The following TENM4 variants were observed in gnomAD, a reference collection of about 807,000 sequenced individuals.
TENM4 encodes the protein teneurin-4.
Under a neutral mutation model 243.3 loss-of-function variants are expected in TENM4, and 82 were observed. The observed-to-expected ratio is 0.34, with a 90% CI of 0.28 to 0.40. The LOEUF (loss-of-function observed/expected upper bound fraction) is 0.40, where lower values mean the gene tolerates loss of function less well. Among genes scored for constraint, TENM4 ranks in the 10% least tolerant of loss-of-function variants. The pLI, the probability that TENM4 is intolerant of heterozygous loss-of-function variation, is 1.00. For missense variants in TENM4, 3,138 were observed against 3,673.3 expected (o/e 0.85, Z 3.77); for synonymous variants, 1,412 against 1,456.3 (o/e 0.97, Z 0.69).
chr11:79,034,061 C>T (rs1859313012), intron 6 of TENM4, among the ~76,000 whole-genome samples: 1 of 152,168 alleles, frequency 6.6e-6, no homozygotes. Flanking sequence ...GTTTCCTTAT[C>T]TGTAAAATGG....
At chr11:79,101,293 G>C (rs1424677667) in intron 4 of TENM4, among the ~76,000 whole-genome samples, 1 of 152,238 alleles carries the variant, frequency 6.6e-6, no homozygotes. Context: ...ATGCAGTAGA[G>C]GGCAGAGAGA....
At chr11:79,034,703 G>C (rs1283859986) in intron 6 of TENM4, among the ~76,000 whole-genome samples, 2 of 152,112 alleles carry the variant, frequency 1.3e-5, no homozygotes, top group Non-Finnish European at 2.9e-5. Context: ...TCTGTGGTCA[G>C]ACGGGCCTGG....
intron 6 of TENM4, among the ~76,000 whole-genome samples, chr11:78,944,198 T>C (rs2136466850): frequency 6.6e-6 from 1 of 152,246 alleles, no homozygotes; most frequent in East Asian, 1.9e-4. Context: ...AGCTGACATG[T>C]GGTGACTCCA....
chr11:79,083,123 A>G (rs1483574176), intron 4 of TENM4, among the ~76,000 whole-genome samples: 1 of 152,174 alleles, frequency 6.6e-6, no homozygotes, highest in Non-Finnish European at 1.5e-5. Flanking sequence ...AAGTCTTATA[A>G]GTGCCGTAAA....
chr11:78,696,062 T>C (rs1858954125), intron 28 of TENM4, among the ~76,000 whole-genome samples: 1 of 152,108 alleles, frequency 6.6e-6, no homozygotes, highest in African/African-American at 2.4e-5. Context: ...TTGAATGCCA[T>C]GTTCTGCATT....
At chr11:79,412,192 G>A (rs189853097) in intron 1 of TENM4, among the ~76,000 whole-genome samples, 149 of 152,266 alleles carry the variant, frequency 9.8e-4, no homozygotes, top group African/African-American at 3.5e-3. Context: ...GGTTGGTAAA[G>A]CCCAAGAGCA....
chr11:78,939,641 G>A (rs757200349), intron 6 of TENM4, among the ~76,000 whole-genome samples: 4 of 152,144 alleles, frequency 2.6e-5, no homozygotes, highest in Non-Finnish European at 5.9e-5. Context: ...ATAGCAGCCT[G>A]TACAAACTAT....
intron 1 of TENM4, among the ~76,000 whole-genome samples, chr11:79,426,603 G>T (rs1012811177): frequency 8.5e-5 from 13 of 152,198 alleles, no homozygotes; most frequent in Non-Finnish European, 1.6e-4. Flanking sequence ...CCGCTGTGAG[G>T]TTATGGCTGG....
intron 1 of TENM4, among the ~76,000 whole-genome samples, chr11:79,379,921 T>G (rs1857967163): frequency 6.6e-6 from 1 of 152,106 alleles, no homozygotes; most frequent in Admixed American, 6.6e-5. Context: ...GAGACTGGCT[T>G]GTCAGGGGCT....
At chr11:79,184,072 T>C (rs1051302896) in intron 3 of TENM4, among the ~76,000 whole-genome samples, 1 of 152,218 alleles carries the variant, frequency 6.6e-6, no homozygotes, top group Non-Finnish European at 1.5e-5. Flanking sequence ...CACAGGAGCA[T>C]TATTGACAAC....
At chr11:79,078,470 C>T (rs181277018) in intron 4 of TENM4, among the ~76,000 whole-genome samples, 1 of 151,940 alleles carries the variant, frequency 6.6e-6, no homozygotes, top group Non-Finnish European at 1.5e-5. Context: ...GTGGTGGTAC[C>T]TGTTCTTGTA....
chr11:79,127,328 G>A (rs1340446249), intron 4 of TENM4, among the ~76,000 whole-genome samples: 1 of 152,202 alleles, frequency 6.6e-6, no homozygotes, highest in Admixed American at 6.5e-5. Context: ...CCACATTCCT[G>A]TTCAACTCTC....
intron 10 of TENM4, 114 bp from the exon 11 acceptor site, chr11:78,856,292 A>G (rs2136208545): frequency 4.3e-6 from 4 of 926,910 alleles, no homozygotes; most frequent in Non-Finnish European, 6.5e-6. Context: ...CCTTCTCTAT[A>G]ATGTTCTGCT....
chr11:78,888,883 C>G (rs2136290314), intron 9 of TENM4, among the ~76,000 whole-genome samples: 1 of 152,324 alleles, frequency 6.6e-6, no homozygotes, highest in African/African-American at 2.4e-5. Context: ...GAAAGGACCT[C>G]TAGGGTTAAG....
At chr11:79,382,926 C>A (rs1858034714) in intron 1 of TENM4, among the ~76,000 whole-genome samples, 1 of 152,140 alleles carries the variant, frequency 6.6e-6, no homozygotes, top group African/African-American at 2.4e-5. Context: ...TAATTACTTC[C>A]CTGAAGCACA....
At chr11:78,828,055 G>T (rs1857897444) in intron 12 of TENM4, among the ~76,000 whole-genome samples, 1 of 152,108 alleles carries the variant, frequency 6.6e-6, no homozygotes. Context: ...TGGAGTAGCT[G>T]GGCAGTCAAC....
chr11:78,732,550 G>C lies in TENM4; in HGVS notation c.2904C>G (p.Ile968Met), dbSNP rs1855694919. ...CCCGCTCGAACCGCAGGATGATGGA[G>C]ATGCCGCCATTTGTCACCAAGTCAA... The part of the protein sequence containing the change: ...GSFDLVTNGG[I>M]SIILRFERAP... Residue 968 changes from isoleucine to methionine, a missense_variant, in exon 21 of 34, where the codon ATC (isoleucine) becomes ATG (methionine). Around this residue, in one of 2 missense-constraint regions of TENM4, gnomAD observed 2,467 missense variants for 3,059.1 expected, o/e 0.81. Coordinates refer to ENST00000278550, the MANE Select transcript of TENM4 (RefSeq NM_001098816.3). 1 of 1,606,928 alleles carries C rather than the reference G, an allele frequency of 6.2e-7. No homozygotes were observed. Among genetic ancestry groups the C allele is most frequent in the Non-Finnish European group, 8.5e-7 (1 of 1,174,556 alleles).
At chr11:78,819,902 C>A (rs955035099) in intron 12 of TENM4, among the ~76,000 whole-genome samples, 1 of 152,220 alleles carries the variant, frequency 6.6e-6, no homozygotes, top group South Asian at 2.1e-4. Flanking sequence ...GATCTACCTT[C>A]TGACTCCTCC....
At chr11:79,264,976 A>G (rs755725561) in intron 2 of TENM4, among the ~76,000 whole-genome samples, 5 of 152,150 alleles carry the variant, frequency 3.3e-5, no homozygotes, top group Admixed American at 6.5e-5. Flanking sequence ...CAACCTAATG[A>G]GTGGAGGCAG....
Sources: gnomAD v4.1 joint callset for allele counts (sites outside exome capture counted in the v4.1 genomes callset) on GRCh38, gnomAD v4.1.1 for gene constraint, gnomAD v4.1.1 regional missense constraint, MANE v1.5 for transcripts, NCBI Gene and HGNC (gene_info 2026-07-23, HGNC 2026-07-21) for gene names.